The following IGF2BP3 variants were observed in gnomAD, a reference collection of about 807,000 sequenced individuals.
IGF2BP3 encodes insulin-like growth factor 2 mRNA-binding protein 3.
Under a neutral mutation model 73.8 loss-of-function variants are expected in IGF2BP3, and 9 were observed. The observed-to-expected ratio is 0.12, with a 90% confidence interval of 0.07 to 0.21. IGF2BP3 has a LOEUF of 0.21. Among genes scored for constraint, IGF2BP3 ranks in the 10% least tolerant of loss-of-function variants. The probability of loss-of-function intolerance (pLI) is 1.00; values close to 1 mark genes in which losing one functional copy is unlikely to be tolerated. For missense variants in IGF2BP3, 542 were observed against 714.0 expected (o/e 0.76, Z 2.75); for synonymous variants, 258 against 256.7 (o/e 1.01, Z -0.05).
chr7:23,437,928 T>G (rs1481243909), intron 2 of IGF2BP3, among the ~76,000 whole-genome samples: 1 of 152,148 alleles, frequency 6.6e-6, no homozygotes, highest in Non-Finnish European at 1.5e-5. Context: ...AAAACGCAAG[T>G]CAACGAAAAG....
At chr7:23,440,198 G>A (rs961752967) in intron 2 of IGF2BP3, among the ~76,000 whole-genome samples, 1 of 152,026 alleles carries the variant, frequency 6.6e-6, no homozygotes, top group African/African-American at 2.4e-5. Context: ...AGGAGGCAGA[G>A]GTTGCAGTGA....
chr7:23,374,137 C>T (rs781281104), intron 3 of IGF2BP3, among the ~76,000 whole-genome samples: 3 of 152,174 alleles, frequency 2.0e-5, no homozygotes, highest in Non-Finnish European at 4.4e-5. Context: ...TCCAAAAGAA[C>T]TGAACACAGG....
intron 2 of IGF2BP3, among the ~76,000 whole-genome samples, chr7:23,437,013 G>C (rs1787822353): frequency 6.6e-6 from 1 of 152,064 alleles, no homozygotes; most frequent in Non-Finnish European, 1.5e-5. Context: ...CAGCTATTTA[G>C]GAAGCTGAGG....
Position 23,326,834 on chromosome 7 carries a change from G to A in IGF2BP3, c.1204-7580C>T, listed in dbSNP as rs545045304. On this transcript the variant is annotated intron_variant, in intron 10 of 14. Coordinates refer to ENST00000258729, the MANE Select transcript of IGF2BP3 (RefSeq NM_006547.3). ...TCGCAAGAACAAAAAACCAAACACC[G>A]CATATTCTCACTCATAGGTGGGAAT... is the stretch of plus-strand genomic sequence containing the variant. 1.1e-3 allele frequency among the ~76,000 whole-genome samples: 155 copies of A among 141,050 alleles called. 1 individual carries two copies. Among genetic ancestry groups the A allele is most frequent in the African/African-American group, 3.9e-3 (148 of 37,864 alleles). 92.5% of individuals were successfully genotyped at this position (141,050 alleles called of 152,430 possible). A position where few individuals can be genotyped will look rare whatever the true frequency, so the allele number is the denominator to read the frequency against.
In IGF2BP3 at chr7:23,313,593, C is replaced by T. The variant is rs772038256; in HGVS notation, c.1456G>A (p.Val486Met). The change falls in exon 13 of 15, where the codon GTG becomes ATG. Residue 486 changes from valine (V) to methionine (M), a missense_variant. Val to Met is a conservative substitution (Grantham distance 21). Around this residue, in one of 2 missense-constraint regions of IGF2BP3, gnomAD observed 303 missense variants for 472.1 expected, o/e 0.64. Coordinates refer to ENST00000258729, the MANE Select transcript of IGF2BP3 (RefSeq NM_006547.3). ...ACTCTGATATGAGCTTCAAGTTTCA[C>T]CTCTTCTTTAGGACTAACAAAGTTT... ...EENFVSPKEE[V>M]KLEAHIRVPS... is the part of the protein sequence containing the mutation. 2 of 1,614,052 alleles carry T rather than the reference C, an allele frequency of 1.2e-6. No individual in the cohort carries two copies. Among genetic ancestry groups the T allele is most frequent in the Non-Finnish European group, 1.7e-6 (2 of 1,179,978 alleles).
At chr7:23,336,775 C>A (rs960369745) in intron 10 of IGF2BP3, among the ~76,000 whole-genome samples, 1 of 152,124 alleles carries the variant, frequency 6.6e-6, no homozygotes, top group Non-Finnish European at 1.5e-5. Flanking sequence ...TGGTAAAACC[C>A]TGTCTCTAAT....
At chr7:23,352,142 G>A (rs1021295803) in intron 5 of IGF2BP3, among the ~76,000 whole-genome samples, 10 of 152,050 alleles carry the variant, frequency 6.6e-5, no homozygotes, top group Non-Finnish European at 1.0e-4. Context: ...ATCACACTCA[G>A]TACCTATTAT....
intron 3 of IGF2BP3, among the ~76,000 whole-genome samples, 155 bp downstream of exon 3, chr7:23,418,621 T>C (rs1177897130): frequency 1.3e-5 from 2 of 152,168 alleles, no homozygotes; most frequent in Non-Finnish European, 2.9e-5. Context: ...ACTGTGCCCT[T>C]ACTAAGAAAA....
chr7:23,391,748 TTGTC>T (rs1237009702), intron 3 of IGF2BP3, among the ~76,000 whole-genome samples: 13 of 152,232 alleles, frequency 8.5e-5, no homozygotes, highest in African/African-American at 3.1e-4. Flanking sequence ...GCACTGATCA[TTGTC>T]TGTAGACAGG....
intron 2 of IGF2BP3, chr7:23,431,377 T>C (rs1324393820): frequency 2.0e-5 from 3 of 152,188 alleles, no homozygotes; most frequent in Non-Finnish European, 4.4e-5. Flanking sequence ...CATCCCCCTA[T>C]AAAATTCCTA....
At chr7:23,425,633 A>T (rs555425138) in intron 2 of IGF2BP3, among the ~76,000 whole-genome samples, 1 of 152,144 alleles carries the variant, frequency 6.6e-6, no homozygotes, top group Non-Finnish European at 1.5e-5. Flanking sequence ...CTTGGCCTCA[A>T]TAATGTATAA....
chr7:23,374,429 C>G (rs1338396700), intron 3 of IGF2BP3, among the ~76,000 whole-genome samples: 1 of 152,032 alleles, frequency 6.6e-6, no homozygotes, highest in African/African-American at 2.4e-5. Context: ...CTTTGGGAGG[C>G]CAAGTTATCA....
chr7:23,396,171 G>A (rs1208225779), intron 3 of IGF2BP3, among the ~76,000 whole-genome samples: 2 of 151,878 alleles, frequency 1.3e-5, no homozygotes, highest in African/African-American at 2.4e-5. Context: ...TGATAACATG[G>A]GAGGACAGAG....
At chr7:23,396,282 C>T (rs547572179) in intron 3 of IGF2BP3, among the ~76,000 whole-genome samples, 83 of 152,010 alleles carry the variant, frequency 5.5e-4, no homozygotes, top group Non-Finnish European at 1.1e-3. Context: ...GGGGTGCACA[C>T]CTATAGCCCC....
At chr7:23,345,912 T>C (rs1162866912) in intron 8 of IGF2BP3, 28 bp downstream of exon 8, 1 of 1,606,024 alleles carries the variant, frequency 6.2e-7, no homozygotes, top group African/African-American at 1.3e-5. Context: ...TGGAAAGTTT[T>C]CTTATTCAAA....
chr7:23,331,090 C>T (rs536808409), intron 10 of IGF2BP3, among the ~76,000 whole-genome samples: 6 of 152,220 alleles, frequency 3.9e-5, no homozygotes, highest in South Asian at 2.1e-4. Flanking sequence ...TGAGCCACTG[C>T]GCCCGGCTGC....
intron 2 of IGF2BP3, among the ~76,000 whole-genome samples, chr7:23,446,360 G>C (rs149233034): frequency 0.02 from 2,991 of 152,200 alleles, 102 homozygotes; most frequent in African/African-American, 0.069. Context: ...TCAGGAGTTT[G>C]AGACCAGCCT....
intron 3 of IGF2BP3, among the ~76,000 whole-genome samples, chr7:23,393,970 C>A (rs1441533257): frequency 6.6e-6 from 1 of 152,050 alleles, no homozygotes. Flanking sequence ...GTACACAAAT[C>A]CATAATGCTT....
intron 2 of IGF2BP3, among the ~76,000 whole-genome samples, chr7:23,435,108 C>T (rs1402845624): frequency 6.6e-6 from 1 of 151,802 alleles, no homozygotes; most frequent in Admixed American, 6.6e-5. Context: ...TCCTGGCTAA[C>T]ATGGTGAAAC....
Sources: allele counts gnomAD v4.1 joint callset (sites outside exome capture counted in the v4.1 genomes callset), GRCh38; gene constraint gnomAD v4.1.1; regional missense constraint gnomAD v4.1.1; transcripts MANE v1.5; gene names NCBI Gene and HGNC (gene_info 2026-07-23, HGNC 2026-07-21).